The following PCDHA7 variants were observed in gnomAD, a reference collection of about 807,000 sequenced individuals.
PCDHA7 encodes protocadherin alpha 7.
Under a neutral mutation model 57.2 loss-of-function variants are expected in PCDHA7, and 37 were observed. That is an observed-to-expected ratio of 0.65 (90% confidence interval 0.50 to 0.85). PCDHA7 has a LOEUF of 0.85. Among genes scored for constraint, PCDHA7 ranks in the 40% least tolerant of loss-of-function variants. The pLI is 0.00. For synonymous variants in PCDHA7, 553 were observed against 558.8 expected (o/e 0.99, Z 0.15); for missense variants, 1,188 against 1,241.8 (o/e 0.96, Z 0.65).
chr5:141,009,736 G>T lies in PCDHA7; in HGVS notation c.2613G>T (p.Leu871Phe). 1 of 1,614,086 alleles carries T rather than the reference G, an allele frequency of 6.2e-7. No homozygotes were observed. Among genetic ancestry groups the T allele is most frequent in the East Asian group, 2.2e-5 (1 of 44,872 alleles). Residue 871 changes from leucine to phenylalanine, a missense_variant, in exon 4 of 4, where the codon TTG becomes TTT. Leu to Phe is a conservative substitution (Grantham distance 22). Around this residue, in one of 3 missense-constraint regions of PCDHA7, gnomAD observed 892 missense variants for 788.5 expected, o/e 1.13. Transcript: ENST00000525929. ...GNPKQSGPGE[L>F]PDKFIIPGSP... ...CCAAACAATCCGGTCCCGGTGAGTT[G>T]CCCGACAAATTCATTATCCCAGGAT...
At chr5:140,845,758 T>A (rs1780017819) in intron 1 of PCDHA7, among the ~76,000 whole-genome samples, 1 of 149,708 alleles carries the variant, frequency 6.7e-6, no homozygotes, top group African/African-American at 2.4e-5. Flanking sequence ...TTGTATCAAG[T>A]AAGTTAATAG....
intron 1 of PCDHA7, chr5:140,842,263 C>T: frequency 6.2e-7 from 1 of 1,611,084 alleles, no homozygotes; most frequent in Non-Finnish European, 8.5e-7. Context: ...AACAAGAAAA[C>T]TTATACAAAA....
chr5:140,990,758 C>G (rs1432023166), intron 3 of PCDHA7, among the ~76,000 whole-genome samples: 1 of 152,162 alleles, frequency 6.6e-6, no homozygotes, highest in African/African-American at 2.4e-5. Flanking sequence ...ACCTTTGAGC[C>G]TGTAAATTTG....
In PCDHA7 at chr5:140,835,672, G is replaced by C; in HGVS notation, c.1289G>C (p.Gly430Ala). Residue 430 changes from glycine to alanine, a missense_variant, in exon 1 of 4, where the codon GGG becomes GCG. Physicochemically the swap from Gly to Ala is moderately conservative, Grantham distance 60. This residue lies in a region of PCDHA7 where 892 missense variants were observed against 788.5 expected (regional missense o/e 1.13). Coordinates refer to ENST00000525929, the MANE Select transcript of PCDHA7 (RefSeq NM_018910.3). ...AYELVVTARD[G>A]GSPSLWATAS... ...GAGCTGGTGGTTACCGCGCGGGACG[G>C]GGGCTCGCCTTCTCTGTGGGCCACT... is the stretch of plus-strand genomic sequence containing the variant. 6.2e-7 allele frequency: 1 copy of C among 1,613,926 alleles called. No individual in the cohort carries two copies. Among genetic ancestry groups the C allele is most frequent in the Non-Finnish European group, 8.5e-7 (1 of 1,179,882 alleles).
chr5:140,897,739 T>A (rs2066296532), intron 1 of PCDHA7, among the ~76,000 whole-genome samples: 1 of 152,176 alleles, frequency 6.6e-6, no homozygotes, highest in Admixed American at 6.5e-5. Flanking sequence ...GTATTTCTAG[T>A]TCTAGATCCC....
At chr5:140,848,934 C>A in intron 1 of PCDHA7, 1 of 1,607,578 alleles carries the variant, frequency 6.2e-7, no homozygotes, top group Non-Finnish European at 8.5e-7. Context: ...GGAATCCAGG[C>A]CGCTTGACTC....
intron 1 of PCDHA7, chr5:140,968,146 T>C: frequency 6.2e-7 from 1 of 1,614,140 alleles, no homozygotes. Flanking sequence ...TTGAGATCTC[T>C]GACATCAATG....
intron 3 of PCDHA7, among the ~76,000 whole-genome samples, chr5:141,000,396 T>TCTATAA (rs2097916207): frequency 7.7e-5 from 5 of 65,332 alleles, no homozygotes; most frequent in African/African-American, 3.1e-4. Context: ...TCTCTCTCTC[T>TCTATAA]ATATATATAT....
chr5:140,952,023 C>T (rs183831358), intron 1 of PCDHA7, among the ~76,000 whole-genome samples: 2 of 152,236 alleles, frequency 1.3e-5, no homozygotes, highest in African/African-American at 2.4e-5. Flanking sequence ...CATGCAAGTC[C>T]GAAATCCAGT....
In PCDHA7 at chr5:140,862,417, T is replaced by G. The variant is rs77196804; in HGVS notation, c.2355+25679T>G. ...GCTGGTGTCTACCTTCAAAAGGCGCTGCCCAGAAACTATTCGTTGGTACTC... is the reference window on the plus strand; with the variant it reads ...GCTGGTGTCTACCTTCAAAAGGCGCGGCCCAGAAACTATTCGTTGGTACTC... On this transcript the variant is annotated intron_variant, in intron 1 of 3. Coordinates refer to ENST00000525929, the MANE Select transcript of PCDHA7 (RefSeq NM_018910.3). 1.4e-3 allele frequency: 485 copies of G among 351,378 alleles called. 3 individuals are homozygous for G. Among genetic ancestry groups the G allele is most frequent in the African/African-American group, 9.6e-3 (451 of 46,736 alleles). 21.8% of individuals were successfully genotyped at this position (351,378 alleles called of 1,614,324 possible).
Position 140,835,798 on chromosome 5 carries a change from G to C in PCDHA7, c.1415G>C (p.Cys472Ser), listed in dbSNP as rs2150245143. 6.8e-6 allele frequency: 11 copies of C among 1,612,744 alleles called. No individual in the cohort carries two copies. Among genetic ancestry groups the C allele is most frequent in the Middle Eastern group, 1.9e-4 (1 of 5,380 alleles). ...VFVKENNPPGCHIFTVSAGDA... is the reference protein window; with the variant it reads ...VFVKENNPPGSHIFTVSAGDA... ...GTGAAGGAGAACAACCCGCCGGGCT[G>C]CCACATCTTCACTGTGTCGGCGGGG... Residue 472 changes from cysteine to serine, a missense_variant, in exon 1 of 4, where the codon TGC becomes TCC. By Grantham distance (112) the Cys-to-Ser change is moderately radical. Coordinates refer to ENST00000525929, the MANE Select transcript of PCDHA7 (RefSeq NM_018910.3).
intron 3 of PCDHA7, among the ~76,000 whole-genome samples, chr5:140,987,537 T>C (rs1343074603): frequency 6.6e-6 from 1 of 152,176 alleles, no homozygotes; most frequent in African/African-American, 2.4e-5. Context: ...CCTGGGACCA[T>C]TACTTAACTT....
In PCDHA7 at chr5:140,993,233, G is replaced by A. The variant is rs143093605; in HGVS notation, c.2503+10670G>A. ...TTTAGCTTTTTGGTATGTTCTCTCT[G>A]AATCTGGGGATTTAGATATATAAAT... On this transcript the variant is annotated intron_variant, in intron 3 of 3. Coordinates refer to ENST00000525929, the MANE Select transcript of PCDHA7 (RefSeq NM_018910.3). Among the ~76,000 whole-genome samples the A allele has an allele frequency of 2.0e-5, 3 of 152,224 alleles. No individual in the cohort carries two copies. The East Asian group carries it at 5.8e-4, about 29-fold the overall frequency.
intron 1 of PCDHA7, among the ~76,000 whole-genome samples, chr5:140,886,239 T>C (rs2060904240): frequency 6.6e-6 from 1 of 152,062 alleles, no homozygotes; most frequent in African/African-American, 2.4e-5. Flanking sequence ...ACTTCAGAAA[T>C]AAATAAAAGT....
intron 1 of PCDHA7, among the ~76,000 whole-genome samples, chr5:140,953,228 G>A (rs2094861370): frequency 6.6e-6 from 1 of 152,124 alleles, no homozygotes; most frequent in South Asian, 2.1e-4. Flanking sequence ...CTTCTGCTTG[G>A]TAGCAGTTCA....
chr5:140,856,558 A>T lies in PCDHA7; in HGVS notation c.2355+19820A>T, dbSNP rs372031038. 2.5e-6 allele frequency: 4 copies of T among 1,598,086 alleles called. 1 individual carries two copies. The East Asian group carries it at 8.9e-5, about 36-fold the overall frequency. ...GAGAGAACGCATTGCTTACTTACAA[A>T]CTCAGTCCAAATGAGTATTTTGTTC... is the stretch of plus-strand genomic sequence containing the variant. On this transcript the variant is annotated intron_variant, in intron 1 of 3. Coordinates refer to ENST00000525929, the MANE Select transcript of PCDHA7 (RefSeq NM_018910.3).
chr5:140,862,977 T>A, intron 1 of PCDHA7: 1 of 545,432 alleles, frequency 1.8e-6, no homozygotes, highest in East Asian at 4.8e-5. Context: ...GGCCACTTGG[T>A]GGCGAAGGTG....
intron 1 of PCDHA7, chr5:140,858,795 C>A: frequency 2.6e-6 from 1 of 379,570 alleles, no homozygotes; most frequent in Non-Finnish European, 4.8e-6. Context: ...ATTTCATTTC[C>A]AATCTAAATT....
intron 1 of PCDHA7, among the ~76,000 whole-genome samples, chr5:140,844,747 T>A (rs1779528592): frequency 6.7e-6 from 1 of 149,678 alleles, no homozygotes; most frequent in South Asian, 2.1e-4. Context: ...TATTATGGGA[T>A]AAATCTTTGA....
Sources: allele counts gnomAD v4.1 joint callset (sites outside exome capture counted in the v4.1 genomes callset), GRCh38; gene constraint gnomAD v4.1.1; regional missense constraint gnomAD v4.1.1; transcripts MANE v1.5; gene names NCBI Gene and HGNC (gene_info 2026-07-23, HGNC 2026-07-21).